The following NCK2 variants were observed in gnomAD, a reference collection of about 807,000 sequenced individuals.
NCK2 encodes NCK adaptor protein 2, also known as cytoplasmic protein NCK2.
NCK2 carries 16 observed loss-of-function variants against 33.9 expected under a neutral mutation model. The observed-to-expected ratio is 0.47, with a 90% confidence interval of 0.32 to 0.72. The LOEUF (loss-of-function observed/expected upper bound fraction) is 0.72. NCK2 is among the 30% of genes least tolerant of loss of function. The probability of loss-of-function intolerance (pLI) is 0.03; values close to 1 mark genes in which losing one functional copy is unlikely to be tolerated. For synonymous variants in NCK2, 273 were observed against 239.9 expected, an observed-to-expected ratio of 1.14 and a Z score of -1.27; for missense variants, 418 against 537.3, an observed-to-expected ratio of 0.78 and a Z score of 2.19.
chr2:105,801,766 C>G (rs752020831), intron 1 of NCK2, among the ~76,000 whole-genome samples: 21 of 152,056 alleles, frequency 1.4e-4, no homozygotes, highest in Non-Finnish European at 2.9e-4. Flanking sequence ...TTCGTGTCCA[C>G]TCGGGGGAAC....
chr2:105,893,335 C>T lies in NCK2; in HGVS notation c.*159C>T. Reference sequence around the variant, plus strand: ...GGTCGGTTCGTCTCCCATTTGCCATCCAGGCCTCACACCCACACTCGAGCC... The same window carrying T: ...GGTCGGTTCGTCTCCCATTTGCCATTCAGGCCTCACACCCACACTCGAGCC... On this transcript the variant is annotated 3_prime_UTR_variant, in exon 5 of 5. Coordinates refer to ENST00000233154, the MANE Select transcript of NCK2 (RefSeq NM_003581.5). The T allele has an allele frequency of 1.4e-6, 1 of 702,494 alleles. No individual in the cohort carries two copies. 43.5% of individuals were successfully genotyped at this position (702,494 alleles called of 1,614,324 possible).
At chr2:105,807,508 G>A (rs1409652824) in intron 1 of NCK2, among the ~76,000 whole-genome samples, 1 of 152,066 alleles carries the variant, frequency 6.6e-6, no homozygotes, top group African/African-American at 2.4e-5. Flanking sequence ...TGTAAAAATG[G>A]CATTATGTTT....
intron 1 of NCK2, among the ~76,000 whole-genome samples, chr2:105,757,773 C>T (rs180697882): frequency 6.6e-5 from 10 of 152,320 alleles, no homozygotes; most frequent in African/African-American, 2.2e-4. Flanking sequence ...CCCCCTCTAA[C>T]CTCTAACCCA....
At chr2:105,885,784 A>G (rs1465900751) in intron 4 of NCK2, among the ~76,000 whole-genome samples, 5 of 152,132 alleles carry the variant, frequency 3.3e-5, no homozygotes, top group African/African-American at 9.7e-5. Context: ...ATAATACTAC[A>G]TTTCCATGAA....
intron 2 of NCK2, among the ~76,000 whole-genome samples, chr2:105,829,175 T>C (rs989888527): frequency 1.3e-5 from 2 of 152,136 alleles, no homozygotes; most frequent in African/African-American, 4.8e-5. Context: ...AATACGTAGG[T>C]GTCATTTATG....
intron 1 of NCK2, among the ~76,000 whole-genome samples, chr2:105,751,359 T>C (rs1689449530): frequency 6.6e-6 from 1 of 152,166 alleles, no homozygotes; most frequent in Admixed American, 6.5e-5. Context: ...AAACCACTTT[T>C]TAACCATTCC....
intron 3 of NCK2, among the ~76,000 whole-genome samples, chr2:105,862,293 T>C (rs969786945): frequency 6.6e-6 from 1 of 152,104 alleles, no homozygotes; most frequent in Admixed American, 6.5e-5. Flanking sequence ...TTTACTTAGA[T>C]CAAAAGACCC....
intron 1 of NCK2, among the ~76,000 whole-genome samples, chr2:105,771,048 G>A (rs879534125): frequency 4.6e-5 from 7 of 151,968 alleles, no homozygotes; most frequent in South Asian, 4.2e-4. Context: ...TCAGCCTCCC[G>A]AGTAGCTGGG....
intron 2 of NCK2, among the ~76,000 whole-genome samples, chr2:105,832,287 G>A (rs193251377): frequency 3.4e-4 from 51 of 152,174 alleles, no homozygotes; most frequent in East Asian, 1.3e-3. Context: ...GGAATTTTCC[G>A]TTTTCTTTTC....
intron 1 of NCK2, among the ~76,000 whole-genome samples, chr2:105,747,345 C>T (rs1689318384): frequency 6.6e-6 from 1 of 152,180 alleles, no homozygotes; most frequent in African/African-American, 2.4e-5. Flanking sequence ...ACTGGATAAC[C>T]TTTTAAAATA....
intron 2 of NCK2, chr2:105,848,470 A>T (rs1312320459): frequency 1.3e-5 from 2 of 152,214 alleles, no homozygotes; most frequent in African/African-American, 4.8e-5. Flanking sequence ...ACTCTCTCCA[A>T]AATAACATAC....
chr2:105,857,047 T>TTTTTTTTTA (rs1553460690), intron 3 of NCK2: 1 of 130,790 alleles, frequency 7.6e-6, no homozygotes, highest in African/African-American at 2.8e-5. Flanking sequence ...TTTTTTTTTT[T>TTTTTTTTTA]TTGTATTTAC....
intron 2 of NCK2, among the ~76,000 whole-genome samples, chr2:105,850,686 T>A (rs1397717200): frequency 2.0e-5 from 3 of 152,224 alleles, no homozygotes; most frequent in Non-Finnish European, 4.4e-5. Flanking sequence ...GTTCTTTGGA[T>A]CAGACTTCTA....
intron 3 of NCK2, 36 bp downstream of exon 3, chr2:105,855,325 C>A: frequency 2.0e-6 from 3 of 1,475,374 alleles, no homozygotes; most frequent in Non-Finnish European, 1.9e-6. Flanking sequence ...AAGCCTTGTG[C>A]ATTTCAAGGG....
intron 1 of NCK2, among the ~76,000 whole-genome samples, chr2:105,791,082 A>T (rs1690865532): frequency 6.6e-6 from 1 of 152,144 alleles, no homozygotes; most frequent in East Asian, 1.9e-4. Flanking sequence ...CACAGCTGAG[A>T]GGGTAGGTAC....
At chr2:105,794,711 A>C (rs1188175945) in intron 1 of NCK2, among the ~76,000 whole-genome samples, 1 of 151,002 alleles carries the variant, frequency 6.6e-6, no homozygotes, top group Non-Finnish European at 1.5e-5. Context: ...TTATTTATTT[A>C]TTTATTTATT....
chr2:105,796,734 A>G (rs1691094640), intron 1 of NCK2, among the ~76,000 whole-genome samples: 1 of 151,994 alleles, frequency 6.6e-6, no homozygotes, highest in Admixed American at 6.6e-5. Context: ...TCATACCTCT[A>G]TCAGATAAAT....
chr2:105,825,330 G>A (rs141564651), intron 2 of NCK2, among the ~76,000 whole-genome samples: 17 of 152,282 alleles, frequency 1.1e-4, no homozygotes, highest in African/African-American at 3.6e-4. Context: ...ATTCACACCT[G>A]AGATAATTCA....
chr2:105,874,206 A>G (rs1678147917), intron 3 of NCK2, among the ~76,000 whole-genome samples: 1 of 152,170 alleles, frequency 6.6e-6, no homozygotes, highest in Non-Finnish European at 1.5e-5. Flanking sequence ...TGCCCTTCGT[A>G]CTCTGAATAG....
Sources: allele counts gnomAD v4.1 joint callset (sites outside exome capture counted in the v4.1 genomes callset), GRCh38; gene constraint gnomAD v4.1.1; transcripts MANE v1.5; gene names NCBI Gene and HGNC (gene_info 2026-07-23, HGNC 2026-07-21).